TCF25: variants seen among roughly 807,000 people sequenced by gnomAD.
TCF25 encodes TCF25 ribosome quality control complex subunit.
A neutral mutation model predicts 83.1 loss-of-function variants in TCF25; 41 were observed. That is an observed-to-expected ratio of 0.49 (90% CI 0.38 to 0.64). The LOEUF (loss-of-function observed/expected upper bound fraction) is 0.64. Among genes scored for constraint, TCF25 ranks in the 30% least tolerant of loss-of-function variants. The pLI, the probability that TCF25 is intolerant of heterozygous loss-of-function variation, is 0.00. For missense variants in TCF25, 979 were observed against 914.5 expected, an observed-to-expected ratio of 1.07 and a Z score of -0.91; for synonymous variants, 458 against 365.0, an observed-to-expected ratio of 1.25 and a Z score of -2.90.
chr16:89,890,349 G>C (rs758648223), intron 5 of TCF25: 4 of 152,230 alleles, frequency 2.6e-5, no homozygotes, highest in Non-Finnish European at 5.9e-5. Context: ...TATATATCCT[G>C]CATGCTGCCA....
chr16:89,884,291 G>T (rs912933621), intron 2 of TCF25, among the ~76,000 whole-genome samples: 2 of 152,170 alleles, frequency 1.3e-5, no homozygotes, highest in Non-Finnish European at 2.9e-5. Flanking sequence ...CTGCAGTGTG[G>T]CAGGGAGTGG....
intron 5 of TCF25, chr16:89,890,472 G>C (rs909607156): frequency 6.6e-6 from 1 of 152,244 alleles, no homozygotes. Flanking sequence ...GTGGGCAGAA[G>C]TGTTGGGGTT....
At chr16:89,889,162 C>G (rs901524177) in intron 5 of TCF25, 8 of 377,058 alleles carry the variant, frequency 2.1e-5, no homozygotes, top group Admixed American at 3.4e-5. Flanking sequence ...TCTGGACTCT[C>G]CATCGAAGTG....
chr16:89,877,271 A>G (rs977582917), intron 1 of TCF25, among the ~76,000 whole-genome samples: 1 of 152,030 alleles, frequency 6.6e-6, no homozygotes, highest in African/African-American at 2.4e-5. Flanking sequence ...TGTCACAATT[A>G]TAACTCACTG....
intron 7 of TCF25, among the ~76,000 whole-genome samples, chr16:89,894,206 T>TA (rs2043646683): frequency 3.3e-5 from 5 of 151,570 alleles, no homozygotes; most frequent in Admixed American, 3.3e-4. Flanking sequence ...GCAGCTCAGA[T>TA]TCCCGGCCCC....
rs1448253209 is a variant in TCF25 at position 89,892,212 on chromosome 16, G to A, written c.634G>A (p.Val212Met). Residue 212 changes from valine to methionine, a missense_variant, in exon 6 of 18, where the codon GTG becomes ATG. Coordinates refer to ENST00000263346, the MANE Select transcript of TCF25 (RefSeq NM_014972.3). ...GEQRPRQRQR[V>M]YPKCTWLTTP... is the part of the protein sequence containing the mutation. ...CCCCAGGCCACGGCAGAGACAACGT[G>A]TGTACCCCAAGTGCACATGGCTGAC... is the stretch of plus-strand genomic sequence containing the variant. 1.9e-6 allele frequency: 3 copies of A among 1,612,446 alleles called. No individual in the cohort carries two copies. The highest frequency in any genetic ancestry group is 2.5e-6 in the Non-Finnish European group (3 of 1,179,454).
intron 15 of TCF25, among the ~76,000 whole-genome samples, chr16:89,906,720 G>C (rs1293060526): frequency 6.6e-6 from 1 of 152,124 alleles, no homozygotes; most frequent in Non-Finnish European, 1.5e-5. Flanking sequence ...TCAGAGGGTC[G>C]CAGGACCGTG....
intron 12 of TCF25, 75 bp from the exon 13 acceptor site, chr16:89,904,043 C>G: frequency 6.9e-7 from 1 of 1,448,672 alleles, no homozygotes; most frequent in Non-Finnish European, 9.5e-7. Context: ...TCGCTGTGTC[C>G]CTTACTGCCT....
intron 9 of TCF25, among the ~76,000 whole-genome samples, 188 bp downstream of exon 9, chr16:89,896,271 A>G (rs1221414853): frequency 1.3e-5 from 2 of 152,024 alleles, no homozygotes; most frequent in African/African-American, 2.4e-5. Context: ...GCCCAGGTTT[A>G]CCTTTGTCTG....
chr16:89,898,339 AGT>A (rs1180839534), intron 9 of TCF25, among the ~76,000 whole-genome samples: 2 of 148,752 alleles, frequency 1.3e-5, no homozygotes, highest in Non-Finnish European at 1.5e-5. Flanking sequence ...GGCGCTGAGC[AGT>A]GTGTGGGGTG....
At chr16:89,893,555 C>T (rs1370266902) in intron 6 of TCF25, among the ~76,000 whole-genome samples, 173 bp from the exon 7 acceptor site, 8 of 151,496 alleles carry the variant, frequency 5.3e-5, no homozygotes, top group South Asian at 2.1e-4. Flanking sequence ...GACCAGACGG[C>T]GGGTGTTTTG....
rs966097805 is a variant in TCF25, at chr16:89,878,357, G to A, written c.192+4498G>A. The A allele has an allele frequency of 1.3e-5, 14 of 1,084,292 alleles. No homozygotes were observed. In the Admixed American group the frequency reaches 3.1e-4, roughly 24 times the overall value. 67.2% of individuals were successfully genotyped at this position (1,084,292 alleles called of 1,614,324 possible). Reference sequence around the variant, plus strand: ...TCCCAGCACTGTGGGAGGCCAAGGCGGGTGGACCACCTGAGGTCAGGAGTT... The same window carrying A: ...TCCCAGCACTGTGGGAGGCCAAGGCAGGTGGACCACCTGAGGTCAGGAGTT... On this transcript the variant is annotated intron_variant, in intron 1 of 17. Transcript: ENST00000263346.
intron 2 of TCF25, chr16:89,884,113 C>T (rs1224263309): frequency 1.1e-5 from 2 of 174,330 alleles, no homozygotes; most frequent in African/African-American, 4.8e-5. Context: ...GGGCAACATA[C>T]ATGTGAAGTG....
chr16:89,889,209 T>A (rs1405940214), intron 5 of TCF25: 7 of 396,696 alleles, frequency 1.8e-5, no homozygotes, highest in South Asian at 1.3e-4. Context: ...TTATTTATTT[T>A]TATTTTTTTA....
rs762757550 is a variant in TCF25 at position 89,898,637 on chromosome 16, A to C, written c.1103A>C (p.Lys368Thr). 2.5e-6 allele frequency: 4 copies of C among 1,612,940 alleles called. No individual in the cohort carries two copies. The highest frequency in any genetic ancestry group is 2.7e-5 in the African/African-American group (2 of 75,066). ...CCGCGCACGGCGCTGGAGTACTGCA[A>C]GCTCATCCTGAGGTGAGTGTCTGCT... is the stretch of plus-strand genomic sequence containing the variant. ...GCPRTALEYCKLILSLEPDED... is the reference protein window; with the variant it reads ...GCPRTALEYCTLILSLEPDED... Residue 368 changes from lysine to threonine, a missense_variant, in exon 10 of 18, where the codon AAG becomes ACG. Coordinates refer to ENST00000263346, the MANE Select transcript of TCF25 (RefSeq NM_014972.3).
At chr16:89,894,005 G>C (rs756072024) in intron 7 of TCF25, 147 bp downstream of exon 7, 1 of 1,202,440 alleles carries the variant, frequency 8.3e-7, no homozygotes, top group Non-Finnish European at 1.1e-6. Context: ...GGGCGGTCTG[G>C]CCCTGTGACC....
At chr16:89,907,372 CCAGT>C in intron 16 of TCF25, 50 bp downstream of exon 16, 1 of 92,410 alleles carries the variant, frequency 1.1e-5, no homozygotes, top group Non-Finnish European at 1.9e-5. Context: ...CTCCCTCCTC[CCAGT>C]TCCCAGCTCC....
At chr16:89,910,473 CT>C in intron 16 of TCF25, 117 bp from the exon 17 acceptor site, 1 of 1,001,274 alleles carries the variant, frequency 1.0e-6, no homozygotes, top group Admixed American at 1.9e-5. Context: ...GCTCTGCCCC[CT>C]GGCGGCCCCT....
intron 16 of TCF25, chr16:89,910,267 C>G: frequency 2.5e-6 from 1 of 403,520 alleles, no homozygotes. Context: ...GACGTTGAAA[C>G]TGCAGCTTTT....
Sources: gnomAD v4.1 joint callset for allele counts (sites outside exome capture counted in the v4.1 genomes callset) on GRCh38, gnomAD v4.1.1 for gene constraint, MANE v1.5 for transcripts, NCBI Gene and HGNC (gene_info 2026-07-23, HGNC 2026-07-21) for gene names.